RRP1: variants seen among roughly 807,000 people sequenced by gnomAD.
The protein encoded by RRP1 is ribosomal RNA processing 1.
Under a neutral mutation model 54.6 loss-of-function variants are expected in RRP1, and 37 were observed. The observed-to-expected ratio is 0.68, with a 90% CI of 0.52 to 0.89. RRP1 has a LOEUF of 0.89. Among genes scored for constraint, RRP1 ranks in the 40% least tolerant of loss-of-function variants. The pLI is 0.00. For missense variants in RRP1, 639 were observed against 612.5 expected (o/e 1.04, Z -0.46); for synonymous variants, 262 against 244.3 (o/e 1.07, Z -0.67).
At chr21:43,795,062 TGC>T in intron 4 of RRP1, 125 bp from the exon 5 acceptor site, 1 of 863,926 alleles carries the variant, frequency 1.2e-6, no homozygotes, top group Non-Finnish European at 1.9e-6. Flanking sequence ...GCCGGCTGTG[TGC>T]TGGGGCCGGC....
At chr21:43,792,613 G>A in intron 2 of RRP1, 59 bp from the exon 3 acceptor site, 9 of 1,557,494 alleles carry the variant, frequency 5.8e-6, no homozygotes. Context: ...TTGCGTGTGT[G>A]TCATTGTGAG....
At position 43,798,033 on chromosome 21, in the gene RRP1, T is replaced by G. The variant is rs567553240; in HGVS notation, c.744T>G (p.Asp248Glu). 10 of 1,614,156 alleles carry G rather than the reference T, an allele frequency of 6.2e-6. No individual in the cohort carries two copies. The highest frequency in any genetic ancestry group is 8.5e-6 in the Non-Finnish European group (10 of 1,180,000). ...TQDEEVASDSDESSEGGERGD... is the reference protein window; with the variant it reads ...TQDEEVASDSEESSEGGERGD... ...ATGAGGAGGTGGCGTCGGACAGTGATGAGTCCTCTGAGGGTGGTGAGCGTG... is the reference window on the plus strand; with the variant it reads ...ATGAGGAGGTGGCGTCGGACAGTGAGGAGTCCTCTGAGGGTGGTGAGCGTG... The change falls in exon 8 of 13, where the codon GAT (aspartate) becomes GAG (glutamate). Residue 248 changes from aspartate (D) to glutamate (E), a missense_variant. Coordinates refer to ENST00000497547, the MANE Select transcript of RRP1 (RefSeq NM_003683.6).
intron 2 of RRP1, 92 bp downstream of exon 2, chr21:43,791,524 C>G (rs76649170): frequency 5.1e-6 from 6 of 1,167,778 alleles, no homozygotes; most frequent in Middle Eastern, 2.3e-4. Context: ...TTTTTTAAGT[C>G]GGAGTTTCGC....
intron 9 of RRP1, among the ~76,000 whole-genome samples, chr21:43,800,253 T>C (rs888649550): frequency 2.6e-5 from 4 of 152,208 alleles, no homozygotes; most frequent in South Asian, 2.1e-4. Context: ...GCGTGTGCCC[T>C]GCAGTGTGCC....
At chr21:43,799,487 C>T (rs934381081) in intron 8 of RRP1, 83 bp from the exon 9 acceptor site, 47 of 1,343,352 alleles carry the variant, frequency 3.5e-5, no homozygotes, top group Admixed American at 4.5e-5. Flanking sequence ...CCAGGGTGCA[C>T]GGAGCGGGCT....
Position 43,791,362 on chromosome 21 carries a change from A to G in RRP1, c.146A>G (p.His49Arg). The change falls in exon 2 of 13, where the codon CAC (histidine) becomes CGC (arginine). Residue 49 changes from histidine to arginine, a missense_variant. Coordinates refer to ENST00000497547, the MANE Select transcript of RRP1 (RefSeq NM_003683.6). Reference protein sequence around the residue: ...RTQRAAGGFTHDELLKVWKGL... With the variant: ...RTQRAAGGFTRDELLKVWKGL... Reference sequence around the variant, plus strand: ...TGTTTTGATGCAGGTGGTTTTACGCACGACGAGCTGCTGAAGGTGTGGAAA... The same window carrying G: ...TGTTTTGATGCAGGTGGTTTTACGCGCGACGAGCTGCTGAAGGTGTGGAAA... 1 of 1,614,048 alleles carries G rather than the reference A, an allele frequency of 6.2e-7. No individual in the cohort carries two copies. Among genetic ancestry groups the G allele is most frequent in the Non-Finnish European group, 8.5e-7 (1 of 1,179,950 alleles).
At position 43,795,171 on chromosome 21, in the gene RRP1, C is replaced by T. The variant is rs117695203; in HGVS notation, c.361-18C>T. 61,565 of 1,612,564 alleles carry T rather than the reference C, an allele frequency of 0.038. 1,431 individuals carry two copies. Among genetic ancestry groups the T allele is most frequent in the Non-Finnish European group, 0.044 (51,974 of 1,178,618 alleles). On this transcript the variant is annotated intron_variant, in intron 4 of 12. Transcript: ENST00000497547. ...AGGGCTGGGCTTCTGCTAATGCCAA[C>T]CTCCTTCTGTGTCAAAGCTCATGCG... is the stretch of plus-strand genomic sequence containing the variant.
intron 8 of RRP1, 130 bp downstream of exon 8, chr21:43,798,230 C>G: frequency 2.6e-6 from 2 of 763,946 alleles, no homozygotes; most frequent in South Asian, 3.9e-5. Context: ...ACAGTCCATC[C>G]TCAGCATAGA....
chr21:43,799,551 G>C lies in RRP1; in HGVS notation c.812-19G>C. On this transcript the variant is annotated intron_variant, in intron 8 of 12. Coordinates refer to ENST00000497547, the MANE Select transcript of RRP1 (RefSeq NM_003683.6). Reference sequence around the variant, plus strand: ...CACGTTGGGCACAGGTAGGGTTCACGGGGTCCCTTTTGTTCCAGGCTCCAT... The same window carrying C: ...CACGTTGGGCACAGGTAGGGTTCACCGGGTCCCTTTTGTTCCAGGCTCCAT... The C allele has an allele frequency of 6.3e-7, 1 of 1,599,716 alleles. No homozygotes were observed. Among genetic ancestry groups the C allele is most frequent in the Non-Finnish European group, 8.5e-7 (1 of 1,175,822 alleles).
chr21:43,797,671 G>A lies in RRP1; in HGVS notation c.593G>A (p.Cys198Tyr), dbSNP rs774633179. Residue 198 changes from cysteine to tyrosine, a missense_variant, in exon 7 of 13, where the codon TGC (cysteine) becomes TAC (tyrosine). Transcript: ENST00000497547. Reference sequence around the variant, plus strand: ...AACCTGAAGTTCATCGACCCCTTCTGCAGAATTGCTGCCCGGACCAAGGAG... The same window carrying A: ...AACCTGAAGTTCATCGACCCCTTCTACAGAATTGCTGCCCGGACCAAGGAG... ...DQNLKFIDPF[C>Y]RIAARTKDSL... 24 of 1,614,054 alleles carry A rather than the reference G, an allele frequency of 1.5e-5. No individual in the cohort carries two copies. The highest frequency in any genetic ancestry group is 3.3e-5 in the Admixed American group (2 of 60,020).
intron 11 of RRP1, 107 bp downstream of exon 11, chr21:43,800,988 CAG>C: frequency 1.7e-6 from 2 of 1,193,732 alleles, no homozygotes; most frequent in Admixed American, 1.7e-5. Flanking sequence ...AGTCTCTTTG[CAG>C]AGAGGCCTGG....
rs1023940897 is a variant in RRP1 at position 43,803,893 on chromosome 21, G to A, written c.*119G>A. The A allele has an allele frequency of 1.9e-5, 24 of 1,266,768 alleles. No homozygotes were observed. Among genetic ancestry groups the A allele is most frequent in the African/African-American group, 3.0e-5 (2 of 66,270 alleles). 78.5% of individuals were successfully genotyped at this position (1,266,768 alleles called of 1,614,324 possible). ...TGGCTCCAGAACTCCTGTGCCAGGC[G>A]GGAGGGAAGGGCGGCACTGGAGAGA... On this transcript the variant is annotated 3_prime_UTR_variant, in exon 13 of 13. Transcript: ENST00000497547.
chr21:43,797,003 T>C (rs1171682650), intron 5 of RRP1, among the ~76,000 whole-genome samples: 1 of 152,178 alleles, frequency 6.6e-6, no homozygotes, highest in Non-Finnish European at 1.5e-5. Context: ...TTTCTCTGCC[T>C]GTGCTGTCCT....
intron 12 of RRP1, 78 bp downstream of exon 12, chr21:43,802,465 A>G (rs771659739): frequency 3.6e-6 from 4 of 1,126,532 alleles, no homozygotes; most frequent in Non-Finnish European, 5.4e-6. Flanking sequence ...GGTCACCTGC[A>G]GTGTCTCCCC....
chr21:43,803,074 C>T (rs148742564), intron 12 of RRP1, among the ~76,000 whole-genome samples: 37 of 152,374 alleles, frequency 2.4e-4, no homozygotes, highest in African/African-American at 8.7e-4. Context: ...GGATTCACCC[C>T]TTCCCTTGCC....
Position 43,802,507 on chromosome 21 carries a change from G to A in RRP1, c.1123+120G>A, listed in dbSNP as rs114461291. The A allele has an allele frequency of 2.5e-3, 1,947 of 771,054 alleles. 25 individuals are homozygous for A. The African/African-American group carries it at 0.03, about 12-fold the overall frequency. 47.8% of individuals were successfully genotyped at this position (771,054 alleles called of 1,614,324 possible). A position where few individuals can be genotyped will look rare whatever the true frequency, so the allele number is the denominator to read the frequency against. On this transcript the variant is annotated intron_variant, in intron 12 of 12. Transcript: ENST00000497547. Reference sequence around the variant, plus strand: ...CATGAGTGCCGAGTCCCCCATCCTGGGTGCCTGCTATCCACGCATCCCGGA... The same window carrying A: ...CATGAGTGCCGAGTCCCCCATCCTGAGTGCCTGCTATCCACGCATCCCGGA...
Position 43,800,878 on chromosome 21 carries a change from G to A in RRP1, c.1006G>A (p.Gly336Arg), listed in dbSNP as rs1269672252. 6.2e-7 allele frequency: 1 copy of A among 1,613,698 alleles called. No homozygotes were observed. The highest frequency in any genetic ancestry group is 1.3e-5 in the African/African-American group (1 of 74,948). ...KVIRKLQDLA[G>R]GIFPEDEIPE... Reference sequence around the variant, plus strand: ...CTCTTTCAGGCTGCAGGACCTGGCAGGAGGTGAGGATCGGCCGGGCACTGA... The same window carrying A: ...CTCTTTCAGGCTGCAGGACCTGGCAAGAGGTGAGGATCGGCCGGGCACTGA... The change falls in exon 11 of 13, where the codon GGA (glycine) becomes AGA (arginine). Residue 336 changes from glycine (G) to arginine (R), a missense_variant. Physicochemically the swap from Gly to Arg is moderately radical, Grantham distance 125. Coordinates refer to ENST00000497547, the MANE Select transcript of RRP1 (RefSeq NM_003683.6).
chr21:43,791,509 CTTTTT>C, intron 2 of RRP1, 77 bp downstream of exon 2: 1 of 1,252,018 alleles, frequency 8.0e-7, no homozygotes, highest in Non-Finnish European at 1.1e-6. Context: ...CCCAGTTTTT[CTTTTT>C]TTTTTAAGTC....
intron 12 of RRP1, 130 bp downstream of exon 12, chr21:43,802,517 A>G (rs750948392): frequency 1.4e-6 from 1 of 708,724 alleles, no homozygotes; most frequent in Non-Finnish European, 2.5e-6. Flanking sequence ...GGTGCCTGCT[A>G]TCCACGCATC....
Sources: gnomAD v4.1 joint callset for allele counts (sites outside exome capture counted in the v4.1 genomes callset) on GRCh38, gnomAD v4.1.1 for gene constraint, MANE v1.5 for transcripts, NCBI Gene and HGNC (gene_info 2026-07-23, HGNC 2026-07-21) for gene names.